The following FBXL20 variants were observed in gnomAD, a reference collection of about 807,000 sequenced individuals.
The protein encoded by FBXL20 is F-box/LRR-repeat protein 20.
In FBXL20, 11 loss-of-function variants were observed where a neutral mutation model predicts 64.0. The ratio of observed to expected loss-of-function variants is 0.17; its 90% CI spans 0.11 to 0.28. FBXL20 has a LOEUF of 0.28. Ranked by LOEUF, FBXL20 falls within the 10% of genes least tolerant of loss-of-function variation. FBXL20 has a pLI of 1.00. For synonymous variants in FBXL20, 184 were observed against 189.0 expected (o/e 0.97, Z 0.22); for missense variants, 303 against 526.2 (o/e 0.58, Z 4.15).
At chr17:39,369,513 A>C (rs1271473063) in intron 1 of FBXL20, among the ~76,000 whole-genome samples, 1 of 151,628 alleles carries the variant, frequency 6.6e-6, no homozygotes, top group Admixed American at 6.6e-5. Flanking sequence ...CACCATACCC[A>C]GCTAATTTTT....
rs1308281842 is a variant in FBXL20 at position 39,337,697 on chromosome 17, C to A, written c.104+5483G>T. ...ACCGCCCCGTCTGAGAAGTGAGGAG[C>A]CCCTCCGCCCGGCAGTTGCCCCGTC... On this transcript the variant is annotated intron_variant, in intron 2 of 14. Coordinates refer to ENST00000264658, the MANE Select transcript of FBXL20 (RefSeq NM_032875.3). 1.1e-4 allele frequency among the ~76,000 whole-genome samples: 17 copies of A among 151,472 alleles called. No individual in the cohort carries two copies. The East Asian group carries it at 3.3e-3, about 30-fold the overall frequency.
intron 2 of FBXL20, among the ~76,000 whole-genome samples, chr17:39,337,329 C>T (rs567281215): frequency 1.0e-3 from 156 of 151,898 alleles, no homozygotes; most frequent in Middle Eastern, 3.4e-3. Flanking sequence ...GTGATCTCGG[C>T]TCGCTACAAC....
chr17:39,290,552 C>T (rs571383317), intron 6 of FBXL20, among the ~76,000 whole-genome samples: 4 of 152,152 alleles, frequency 2.6e-5, no homozygotes, highest in African/African-American at 4.8e-5. Flanking sequence ...GAAGAAGTTA[C>T]GTTATCTTAT....
At chr17:39,316,290 C>CAT (rs905017779) in intron 2 of FBXL20, among the ~76,000 whole-genome samples, 2 of 127,608 alleles carry the variant, frequency 1.6e-5, no homozygotes, top group African/African-American at 3.6e-5. Flanking sequence ...TGTTCATCTA[C>CAT]ATATACACAC....
At chr17:39,323,574 G>A (rs924366496) in intron 2 of FBXL20, among the ~76,000 whole-genome samples, 7 of 151,800 alleles carry the variant, frequency 4.6e-5, no homozygotes, top group South Asian at 4.2e-4. Flanking sequence ...ATCTAATTCC[G>A]GTCTTTACTC....
intron 12 of FBXL20, among the ~76,000 whole-genome samples, chr17:39,266,896 A>G (rs1284995145): frequency 6.6e-6 from 1 of 152,182 alleles, no homozygotes. Flanking sequence ...GCTTGCGCCT[A>G]TAGTCCCAAC....
chr17:39,329,379 T>C (rs1169723207), intron 2 of FBXL20, among the ~76,000 whole-genome samples: 2 of 152,156 alleles, frequency 1.3e-5, no homozygotes, highest in East Asian at 3.9e-4. Context: ...GCAGATTAAA[T>C]ACATCCAAAG....
rs1463543150 is a variant in FBXL20 at position 39,260,981 on chromosome 17, GTCTACCATT to G, written c.*470_*478del. 1 of 158,826 alleles carries G rather than the reference GTCTACCATT, an allele frequency of 6.3e-6. No homozygotes were observed. The highest frequency in any genetic ancestry group is 1.4e-5 in the Non-Finnish European group (1 of 71,408). 9.8% of individuals were successfully genotyped at this position (158,826 alleles called of 1,614,324 possible). A position where few individuals can be genotyped will look rare whatever the true frequency, so the allele number is the denominator to read the frequency against. On this transcript the variant is annotated 3_prime_UTR_variant, in exon 15 of 15. Coordinates refer to ENST00000264658, the MANE Select transcript of FBXL20 (RefSeq NM_032875.3). ...TAGAAGCTCTTTAGTCACAATGAAT[GTCTACCATT>G]TCTAAGATGCAAAGAAATTTTCTTT... is the stretch of plus-strand genomic sequence containing the variant.
At chr17:39,348,846 T>C (rs1026923049) in intron 1 of FBXL20, among the ~76,000 whole-genome samples, 1 of 152,084 alleles carries the variant, frequency 6.6e-6, no homozygotes, top group African/African-American at 2.4e-5. Flanking sequence ...AGAAACGTGT[T>C]ACCACACCTG....
intron 9 of FBXL20, among the ~76,000 whole-genome samples, chr17:39,280,401 CA>C (rs369912448): frequency 0.046 from 4,614 of 100,230 alleles, 162 homozygotes; most frequent in African/African-American, 0.12. Context: ...GACTCTGTCT[CA>C]AAAAAAAAAA....
chr17:39,376,402 A>G (rs894024674), intron 1 of FBXL20, among the ~76,000 whole-genome samples: 2 of 152,212 alleles, frequency 1.3e-5, no homozygotes, highest in African/African-American at 2.4e-5. Flanking sequence ...GAAGCCAGGG[A>G]AAAAAGCTAG....
At chr17:39,307,457 G>A (rs575446693) in intron 2 of FBXL20, among the ~76,000 whole-genome samples, 83 of 152,266 alleles carry the variant, frequency 5.5e-4, no homozygotes, top group African/African-American at 1.8e-3. Context: ...TATGACAAAC[G>A]AATGTTTGAA....
chr17:39,253,217 GTC>G lies in FBXL20; in HGVS notation c.*8241_*8242del, dbSNP rs1357504623. 1 of 152,446 alleles carries G rather than the reference GTC, an allele frequency of 6.6e-6. No homozygotes were observed. Among genetic ancestry groups the G allele is most frequent in the Non-Finnish European group, 1.5e-5 (1 of 68,136 alleles). 9.4% of individuals were successfully genotyped at this position (152,446 alleles called of 1,614,324 possible). A position where few individuals can be genotyped will look rare whatever the true frequency, so the allele number is the denominator to read the frequency against. ...CCATCCATCTCTGTCCCTGAGCAGA[GTC>G]TGACAGGCATGGGTAGTCCTCACAG... On this transcript the variant is annotated 3_prime_UTR_variant, in exon 15 of 15. Coordinates refer to ENST00000264658, the MANE Select transcript of FBXL20 (RefSeq NM_032875.3).
intron 1 of FBXL20, among the ~76,000 whole-genome samples, chr17:39,399,823 A>G (rs2048223926): frequency 6.6e-6 from 1 of 152,210 alleles, no homozygotes; most frequent in Admixed American, 6.5e-5. Flanking sequence ...TTTACACCAC[A>G]TACAAGAGAA....
At chr17:39,356,319 C>T (rs1035139434) in intron 1 of FBXL20, among the ~76,000 whole-genome samples, 2 of 151,434 alleles carry the variant, frequency 1.3e-5, no homozygotes, top group African/African-American at 4.9e-5. Context: ...GAGAGCACAA[C>T]TTCATCTGTC....
chr17:39,338,056 A>G lies in FBXL20; in HGVS notation c.104+5124T>C, dbSNP rs9905763. 2.1e-3 allele frequency among the ~76,000 whole-genome samples: 324 copies of G among 152,328 alleles called. 1 individual carries two copies. The highest frequency in any genetic ancestry group is 7.5e-3 in the African/African-American group (311 of 41,584). ...GAGCTGTACCCAACAGCTCATTGAG[A>G]ACGGGCCATGATGACAATGGCGCTT... On this transcript the variant is annotated intron_variant, in intron 2 of 14. Transcript: ENST00000264658.
intron 2 of FBXL20, among the ~76,000 whole-genome samples, chr17:39,320,550 G>C (rs1189853876): frequency 6.6e-6 from 1 of 151,388 alleles, no homozygotes; most frequent in Non-Finnish European, 1.5e-5. Flanking sequence ...TTAAAGCTTA[G>C]ACTGATTTCT....
At chr17:39,262,738 C>A (rs1480455057) in intron 14 of FBXL20, among the ~76,000 whole-genome samples, 3 of 152,060 alleles carry the variant, frequency 2.0e-5, no homozygotes, top group Admixed American at 6.5e-5. Flanking sequence ...GTGGCTCATG[C>A]CTGTAATCCC....
intron 1 of FBXL20, among the ~76,000 whole-genome samples, chr17:39,359,519 C>G (rs1365720219): frequency 6.6e-6 from 1 of 152,058 alleles, no homozygotes; most frequent in Admixed American, 6.6e-5. Flanking sequence ...AGGAGAACTG[C>G]TTGAACCCGG....
Sources: gnomAD v4.1 joint callset for allele counts (sites outside exome capture counted in the v4.1 genomes callset) on GRCh38, gnomAD v4.1.1 for gene constraint, MANE v1.5 for transcripts, NCBI Gene and HGNC (gene_info 2026-07-23, HGNC 2026-07-21) for gene names.